The following YBX1 variants were observed in gnomAD, a reference collection of about 807,000 sequenced individuals.
YBX1 encodes Y-box-binding protein 1.
In YBX1, 3 loss-of-function variants were observed where a neutral mutation model predicts 41.4. The observed-to-expected ratio is 0.07, with a 90% confidence interval of 0.03 to 0.19. The LOEUF (loss-of-function observed/expected upper bound fraction) is 0.19, where lower values mean the gene tolerates loss of function less well. Among genes scored for constraint, YBX1 ranks in the 10% least tolerant of loss-of-function variants. YBX1 has a pLI of 1.00. For missense variants in YBX1, 274 were observed against 462.8 expected (o/e 0.59, Z 3.74); for synonymous variants, 133 against 165.8 (o/e 0.80, Z 1.52).
rs1041684697 is a variant in YBX1, at chr1:42,683,194, G to A, written c.167-209G>A. The A allele has an allele frequency of 1.0e-5, 7 of 674,948 alleles. No individual in the cohort carries two copies. In the African/African-American group the frequency reaches 1.3e-4, roughly 13 times the overall value. The allele number at this position is 674,948 out of a possible 1,614,324, so 41.8% of individuals were successfully genotyped here. A position where few individuals can be genotyped will look rare whatever the true frequency, so the allele number is the denominator to read the frequency against. On this transcript the variant is annotated intron_variant, in intron 1 of 7. Coordinates refer to ENST00000321358, the MANE Select transcript of YBX1 (RefSeq NM_004559.5). Reference sequence around the variant, plus strand: ...ACACCCATCCTGGGGCCCGCGCCCCGGGCCTGCCCTGGAGCGCCCCGCGCT... The same window carrying A: ...ACACCCATCCTGGGGCCCGCGCCCCAGGCCTGCCCTGGAGCGCCCCGCGCT...
intron 3 of YBX1, 81 bp downstream of exon 3, chr1:42,693,604 C>T: frequency 1.3e-6 from 2 of 1,502,896 alleles, no homozygotes; most frequent in African/African-American, 1.4e-5. Flanking sequence ...AGCTTTTGTT[C>T]CTTATAAAAG....
At chr1:42,697,488 G>A (rs1650490298) in intron 6 of YBX1, among the ~76,000 whole-genome samples, 1 of 152,094 alleles carries the variant, frequency 6.6e-6, no homozygotes, top group African/African-American at 2.4e-5. Flanking sequence ...CAAATTTTCT[G>A]TCCTTGAACA....
intron 6 of YBX1, among the ~76,000 whole-genome samples, chr1:42,697,804 CTTA>C (rs1347212830): frequency 3.3e-5 from 5 of 152,066 alleles, no homozygotes; most frequent in Non-Finnish European, 5.9e-5. Flanking sequence ...TATTAGAAAT[CTTA>C]TTAATAGATG....
At chr1:42,686,730 C>T (rs1650206534) in intron 2 of YBX1, among the ~76,000 whole-genome samples, 1 of 152,204 alleles carries the variant, frequency 6.6e-6, no homozygotes, top group Admixed American at 6.5e-5. Flanking sequence ...AGTATTTATA[C>T]TAGGGTCTAT....
At chr1:42,693,575 A>C in intron 3 of YBX1, 52 bp downstream of exon 3, 1 of 1,596,126 alleles carries the variant, frequency 6.3e-7, no homozygotes, top group East Asian at 2.2e-5. Flanking sequence ...TGTAAGAAGA[A>C]AAGGTTAGAT....
chr1:42,697,663 A>C (rs181826491), intron 6 of YBX1, among the ~76,000 whole-genome samples: 1 of 152,142 alleles, frequency 6.6e-6, no homozygotes, highest in African/African-American at 2.4e-5. Flanking sequence ...CTCAGTTTAG[A>C]TATGTACCCC....
chr1:42,701,079 C>A, intron 7 of YBX1, 33 bp downstream of exon 7: 2 of 1,534,550 alleles, frequency 1.3e-6, no homozygotes, highest in Non-Finnish European at 1.8e-6. Context: ...CCATTTATGG[C>A]AGTCGTGAGT....
intron 6 of YBX1, among the ~76,000 whole-genome samples, chr1:42,700,200 C>T (rs1021878966): frequency 1.3e-5 from 2 of 152,146 alleles, no homozygotes; most frequent in Admixed American, 6.5e-5. Flanking sequence ...CATGATGACT[C>T]ATGGATACTA....
intron 1 of YBX1, 141 bp from the exon 2 acceptor site, chr1:42,683,262 C>T: frequency 1.0e-6 from 1 of 985,246 alleles, no homozygotes; most frequent in South Asian, 1.3e-5. Context: ...GACTGCGTGG[C>T]CCCGCACCCG....
intron 6 of YBX1, among the ~76,000 whole-genome samples, chr1:42,697,887 T>C (rs1650500108): frequency 1.3e-5 from 2 of 152,174 alleles, no homozygotes; most frequent in Non-Finnish European, 2.9e-5. Context: ...TAGTATACTT[T>C]GAGGCAGTGT....
chr1:42,693,281 T>C (rs1401548317), intron 2 of YBX1, among the ~76,000 whole-genome samples: 1 of 152,132 alleles, frequency 6.6e-6, no homozygotes, highest in Non-Finnish European at 1.5e-5. Flanking sequence ...ACTTTTTTTT[T>C]TTTTTGCCTA....
intron 6 of YBX1, 24 bp from the exon 7 acceptor site, chr1:42,700,757 T>G (rs1304055189): frequency 6.3e-7 from 1 of 1,590,132 alleles, no homozygotes; most frequent in Non-Finnish European, 8.6e-7. Context: ...TTATCATTCT[T>G]AAGTTTGACA....
chr1:42,699,254 A>G (rs1366453522), intron 6 of YBX1, among the ~76,000 whole-genome samples: 1 of 152,184 alleles, frequency 6.6e-6, no homozygotes, highest in Non-Finnish European at 1.5e-5. Context: ...CGCATGTGTT[A>G]ATGGGAAGAC....
chr1:42,691,811 C>T (rs1650345104), intron 2 of YBX1, among the ~76,000 whole-genome samples: 1 of 152,086 alleles, frequency 6.6e-6, no homozygotes, highest in African/African-American at 2.4e-5. Context: ...CAACTAACAC[C>T]CACCACTTCC....
chr1:42,683,008 T>TC, intron 1 of YBX1: 1 of 259,706 alleles, frequency 3.9e-6, no homozygotes, highest in South Asian at 3.2e-5. Context: ...CGGGGTCCCC[T>TC]CCCCGCCGAC....
In YBX1 at chr1:42,697,229, A is replaced by G. The variant is rs748982680; in HGVS notation, c.707A>G (p.Asn236Ser). The G allele has an allele frequency of 5.0e-6, 8 of 1,614,106 alleles. No homozygotes were observed. Among genetic ancestry groups the G allele is most frequent in the Non-Finnish European group, 5.9e-6 (7 of 1,180,000 alleles). ...GAACAAGGTAGACCAGTGAGGCAGA[A>G]TATGTATCGGGGATATAGACCACGA... ...AGEQGRPVRQ[N>S]MYRGYRPRFR... The change falls in exon 6 of 8, where the codon AAT becomes AGT. Residue 236 changes from asparagine (N) to serine (S), a missense_variant. Physicochemically the swap from Asn to Ser is conservative, Grantham distance 46 (BLOSUM62 1). Transcript: ENST00000321358.
chr1:42,692,300 G>T (rs1444784469), intron 2 of YBX1, among the ~76,000 whole-genome samples: 1 of 152,098 alleles, frequency 6.6e-6, no homozygotes, highest in African/African-American at 2.4e-5. Flanking sequence ...ATAAATGATG[G>T]CTGTAATCTG....
At chr1:42,687,889 T>A (rs1386465686) in intron 2 of YBX1, among the ~76,000 whole-genome samples, 1 of 152,168 alleles carries the variant, frequency 6.6e-6, no homozygotes, top group Non-Finnish European at 1.5e-5. Flanking sequence ...TGACAAAATG[T>A]TTTGGCACTA....
intron 2 of YBX1, among the ~76,000 whole-genome samples, chr1:42,684,427 C>A (rs74070004): frequency 6.6e-6 from 1 of 152,172 alleles, no homozygotes; most frequent in African/African-American, 2.4e-5. Flanking sequence ...GCCATCTCAG[C>A]ATTGTCTTGC....
Sources: allele counts gnomAD v4.1 joint callset (sites outside exome capture counted in the v4.1 genomes callset), GRCh38; gene constraint gnomAD v4.1.1; transcripts MANE v1.5; gene names NCBI Gene and HGNC (gene_info 2026-07-23, HGNC 2026-07-21).